The following SYT16 variants were observed in gnomAD, a reference collection of about 807,000 sequenced individuals.
The protein encoded by SYT16 is synaptotagmin 16.
A neutral mutation model predicts 61.4 loss-of-function variants in SYT16; 42 were observed. The observed-to-expected ratio is 0.68, with a 90% CI of 0.53 to 0.89. The LOEUF is 0.89. SYT16 is among the 40% of genes least tolerant of loss of function. The probability of loss-of-function intolerance (pLI) is 0.00; values close to 1 mark genes in which losing one functional copy is unlikely to be tolerated. For synonymous variants in SYT16, 314 were observed against 302.3 expected, an observed-to-expected ratio of 1.04 and a Z score of -0.40; for missense variants, 804 against 807.3, an observed-to-expected ratio of 1.00 and a Z score of 0.05.
intron 1 of SYT16, among the ~76,000 whole-genome samples, chr14:61,913,310 A>C (rs1277935461): frequency 6.6e-6 from 1 of 152,220 alleles, no homozygotes; most frequent in Non-Finnish European, 1.5e-5. Flanking sequence ...GGATGAATGA[A>C]TGATGGGTTC....
rs1449843385 is a variant in SYT16 at position 62,104,028 on chromosome 14, T to C, written c.*3321T>C. Reference sequence around the variant, plus strand: ...GTTACCTCTTGTGCAGTTACTGTGCTTTAGATGACCTTATCTGAGAACCAA... The same window carrying C: ...GTTACCTCTTGTGCAGTTACTGTGCCTTAGATGACCTTATCTGAGAACCAA... On this transcript the variant is annotated 3_prime_UTR_variant, in exon 8 of 8. Transcript: ENST00000683842. The C allele has an allele frequency of 6.6e-6, 1 of 152,252 alleles. No individual in the cohort carries two copies. Among genetic ancestry groups the C allele is most frequent in the Non-Finnish European group, 1.5e-5 (1 of 68,042 alleles). 9.4% of individuals were successfully genotyped at this position (152,252 alleles called of 1,614,324 possible). A position where few individuals can be genotyped will look rare whatever the true frequency, so the allele number is the denominator to read the frequency against.
chr14:62,098,888 C>T (rs1336800958), intron 7 of SYT16, among the ~76,000 whole-genome samples: 1 of 152,006 alleles, frequency 6.6e-6, no homozygotes, highest in Non-Finnish European at 1.5e-5. Flanking sequence ...AGCAAATATT[C>T]CCAGATAAAG....
chr14:61,865,339 G>A, intron 1 of SYT16: 1 of 688,854 alleles, frequency 1.5e-6, no homozygotes, highest in Non-Finnish European at 2.6e-6. Context: ...CTTAGGAGAA[G>A]CAGTCCGGAA....
At chr14:61,866,000 G>T (rs888399271) in intron 1 of SYT16, among the ~76,000 whole-genome samples, 6 of 152,116 alleles carry the variant, frequency 3.9e-5, no homozygotes, top group African/African-American at 1.4e-4. Context: ...TAATATTTCA[G>T]ATGATAGAAT....
In SYT16 at chr14:62,069,752, C is replaced by A. The variant is rs145150316; in HGVS notation, c.673C>A (p.Pro225Thr). The change falls in exon 4 of 8, where the codon CCA (proline) becomes ACA (threonine). Residue 225 changes from proline to threonine, a missense_variant. Pro to Thr is a conservative substitution (Grantham distance 38, BLOSUM62 -1). Coordinates refer to ENST00000683842, the MANE Select transcript of SYT16 (RefSeq NM_001367656.1). ...KGKQTGLEQKPKFSRSLLTHG... is the reference protein window; with the variant it reads ...KGKQTGLEQKTKFSRSLLTHG... The stretch of plus-strand genomic sequence containing the variant: ...AAAGCAGACAGGATTGGAGCAGAAA[C>A]CAAAATTCAGCCGTTCGTTGTTGAC... 3.1e-6 allele frequency: 5 copies of A among 1,614,002 alleles called. No individual in the cohort carries two copies. Among genetic ancestry groups the A allele is most frequent in the Non-Finnish European group, 3.4e-6 (4 of 1,179,892 alleles).
intron 4 of SYT16, among the ~76,000 whole-genome samples, chr14:62,072,266 G>A (rs755557385): frequency 2.0e-5 from 3 of 152,128 alleles, no homozygotes; most frequent in African/African-American, 7.2e-5. Flanking sequence ...TGTGTACTTA[G>A]TTTTGTTTGA....
intron 1 of SYT16, among the ~76,000 whole-genome samples, chr14:61,968,330 G>A (rs1261961324): frequency 6.6e-6 from 1 of 152,138 alleles, no homozygotes; most frequent in African/African-American, 2.4e-5. Flanking sequence ...AGAAGATAAA[G>A]GGGTGTGGTT....
rs1053149909 is a variant in SYT16, at chr14:62,111,602, A to G, written c.*10895A>G. ...TCCTCTAGATTTCTAAGTCACTAGA[A>G]GAATTTCTTGGCAAATTGATTGTTC... On this transcript the variant is annotated 3_prime_UTR_variant, in exon 8 of 8. Transcript: ENST00000683842. The G allele has an allele frequency of 2.0e-5, 3 of 152,136 alleles. No homozygotes were observed. The highest frequency in any genetic ancestry group is 7.2e-5 in the African/African-American group (3 of 41,456). 9.4% of individuals were successfully genotyped at this position (152,136 alleles called of 1,614,324 possible).
Position 62,104,491 on chromosome 14 carries a change from A to G in SYT16, c.*3784A>G, listed in dbSNP as rs543360848. Reference sequence around the variant, plus strand: ...TTTACAACAAAATAAAAAGTCATACAGCACACCTATGGAAGAATTAAAGAA... The same window carrying G: ...TTTACAACAAAATAAAAAGTCATACGGCACACCTATGGAAGAATTAAAGAA... On this transcript the variant is annotated 3_prime_UTR_variant, in exon 8 of 8. Transcript: ENST00000683842. 2 of 152,374 alleles carry G rather than the reference A, an allele frequency of 1.3e-5. No homozygotes were observed. Among genetic ancestry groups the G allele is most frequent in the South Asian group, 4.1e-4 (2 of 4,832 alleles). The allele number at this position is 152,374 out of a possible 1,614,324, so 9.4% of individuals were successfully genotyped here.
chr14:61,918,512 A>G (rs959424732), intron 1 of SYT16, among the ~76,000 whole-genome samples: 1 of 152,166 alleles, frequency 6.6e-6, no homozygotes, highest in African/African-American at 2.4e-5. Flanking sequence ...ATGATGGTAT[A>G]TTCTTATGTT....
intron 3 of SYT16, among the ~76,000 whole-genome samples, chr14:62,017,485 C>T (rs1019140479): frequency 2.0e-5 from 3 of 152,156 alleles, no homozygotes; most frequent in African/African-American, 7.2e-5. Flanking sequence ...AATTTCTGAC[C>T]TCCTCTCAAA....
intron 1 of SYT16, among the ~76,000 whole-genome samples, chr14:61,866,847 G>T (rs114528615): frequency 6.0e-4 from 92 of 152,098 alleles, no homozygotes; most frequent in African/African-American, 2.1e-3. Context: ...AAAGTCAAAA[G>T]AATTTTCTCC....
chr14:61,944,744 C>T (rs1047585123), intron 1 of SYT16, among the ~76,000 whole-genome samples: 6 of 151,948 alleles, frequency 3.9e-5, no homozygotes, highest in East Asian at 1.9e-4. Context: ...AACTCAAGAT[C>T]GATTAAAGAC....
rs373659256 is a variant in SYT16 at position 62,022,843 on chromosome 14, T to C, written c.523+26301T>C. Reference sequence around the variant, plus strand: ...TACTGCCACTGTGCAAAGCTATCAATTGGATTCTTAATTTTAGTTATAGAA... The same window carrying C: ...TACTGCCACTGTGCAAAGCTATCAACTGGATTCTTAATTTTAGTTATAGAA... On this transcript the variant is annotated intron_variant, in intron 3 of 7. Transcript: ENST00000683842. 2.0e-4 allele frequency among the ~76,000 whole-genome samples: 30 copies of C among 152,326 alleles called. 1 individual carries two copies. The highest frequency in any genetic ancestry group is 5.8e-4 in the African/African-American group (24 of 41,572).
intron 1 of SYT16, among the ~76,000 whole-genome samples, chr14:61,858,043 G>T (rs1038418189): frequency 7.7e-6 from 1 of 129,346 alleles, no homozygotes; most frequent in African/African-American, 2.9e-5. Context: ...TGTGTTCTCC[G>T]TAACAGTATC....
intron 1 of SYT16, among the ~76,000 whole-genome samples, chr14:61,968,454 G>A (rs2051408549): frequency 2.0e-5 from 3 of 152,118 alleles, no homozygotes; most frequent in African/African-American, 2.4e-5. Flanking sequence ...GACAGTATAG[G>A]AGTGAAGGGC....
intron 1 of SYT16, among the ~76,000 whole-genome samples, chr14:61,952,354 T>C (rs193153250): frequency 9.1e-4 from 138 of 152,168 alleles, no homozygotes; most frequent in African/African-American, 3.2e-3. Context: ...ATAGCTGAAG[T>C]GTGCAGGGAA....
chr14:62,079,496 A>T (rs944264021), intron 5 of SYT16: 1 of 362,512 alleles, frequency 2.8e-6, no homozygotes, highest in East Asian at 9.8e-5. Context: ...GCCCAGTGTC[A>T]TAGAGCTAGT....
intron 2 of SYT16, among the ~76,000 whole-genome samples, chr14:61,986,959 A>G (rs967197454): frequency 1.1e-4 from 17 of 152,296 alleles, no homozygotes; most frequent in African/African-American, 3.4e-4. Flanking sequence ...CTACTCTGTG[A>G]TCTCATAGAA....
Sources: gnomAD v4.1 joint callset for allele counts (sites outside exome capture counted in the v4.1 genomes callset) on GRCh38, gnomAD v4.1.1 for gene constraint, MANE v1.5 for transcripts, NCBI Gene and HGNC (gene_info 2026-07-23, HGNC 2026-07-21) for gene names.